The following POU6F2 variants were observed in gnomAD, a reference collection of about 807,000 sequenced individuals.
POU6F2 encodes POU class 6 homeobox 2.
A neutral mutation model predicts 71.3 loss-of-function variants in POU6F2; 31 were observed. The ratio of observed to expected loss-of-function variants is 0.43; its 90% CI spans 0.33 to 0.59. The LOEUF (loss-of-function observed/expected upper bound fraction) is 0.59. Ranked by LOEUF, POU6F2 falls within the 20% of genes least tolerant of loss-of-function variation. The pLI, the probability that POU6F2 is intolerant of heterozygous loss-of-function variation, is 0.04. For missense variants in POU6F2, 783 were observed against 856.8 expected (o/e 0.91, Z 1.07); for synonymous variants, 347 against 355.7 (o/e 0.98, Z 0.27).
At chr7:39,328,797 A>G (rs548811775) in intron 4 of POU6F2, among the ~76,000 whole-genome samples, 20 of 152,308 alleles carry the variant, frequency 1.3e-4, no homozygotes, top group South Asian at 2.1e-4. Context: ...TAATGGCCAC[A>G]TGTGTCTACA....
At chr7:39,196,606 A>G (rs996762906) in intron 2 of POU6F2, among the ~76,000 whole-genome samples, 2 of 152,172 alleles carry the variant, frequency 1.3e-5, no homozygotes, top group South Asian at 2.1e-4. Flanking sequence ...TAAAAATACA[A>G]ACATTAGCCA....
At chr7:39,404,151 G>C (rs1023775709) in intron 5 of POU6F2, among the ~76,000 whole-genome samples, 3 of 152,212 alleles carry the variant, frequency 2.0e-5, no homozygotes, top group Non-Finnish European at 4.4e-5. Flanking sequence ...CTATATATTT[G>C]TGGTTGCCAA....
chr7:39,141,292 G>A (rs1792495096), intron 2 of POU6F2, among the ~76,000 whole-genome samples: 1 of 152,154 alleles, frequency 6.6e-6, no homozygotes, highest in Admixed American at 6.5e-5. Context: ...TCTTAGGAAA[G>A]CATCTTGGTT....
chr7:39,198,234 A>C (rs1452804337), intron 2 of POU6F2, among the ~76,000 whole-genome samples: 1 of 152,226 alleles, frequency 6.6e-6, no homozygotes, highest in African/African-American at 2.4e-5. Flanking sequence ...AAAGTCATTA[A>C]AGTCTTCTAT....
chr7:39,277,304 G>T (rs879376376), intron 4 of POU6F2, among the ~76,000 whole-genome samples: 1 of 151,980 alleles, frequency 6.6e-6, no homozygotes, highest in Non-Finnish European at 1.5e-5. Context: ...TTGCTACATG[G>T]GTATATTGCG....
chr7:39,144,803 A>G (rs1792581371), intron 2 of POU6F2, among the ~76,000 whole-genome samples: 1 of 152,194 alleles, frequency 6.6e-6, no homozygotes, highest in East Asian at 1.9e-4. Flanking sequence ...GTCCAAGGGT[A>G]TATTCTTCTT....
rs113353367 is a variant in POU6F2, at chr7:39,220,149, G to A, written c.598+12529G>A. ...GCAACCCCAGCAGCAGCCGCGACTG[G>A]AGTTTTATTTCCTTTGATTTGGTTC... On this transcript the variant is annotated intron_variant, in intron 4 of 9. Transcript: ENST00000518318. Among the ~76,000 whole-genome samples the A allele has an allele frequency of 1.9e-3, 295 of 152,244 alleles. 4 individuals carry two copies. Among genetic ancestry groups the A allele is most frequent in the Non-Finnish European group, 1.8e-3 (123 of 68,008 alleles).
chr7:39,207,149 A>G (rs560981908), intron 3 of POU6F2, among the ~76,000 whole-genome samples: 9 of 152,346 alleles, frequency 5.9e-5, no homozygotes, highest in East Asian at 1.9e-4. Context: ...GTAAGTTATT[A>G]CTTGTAAAGA....
At chr7:39,428,847 GAGC>G (rs1341060355) in intron 6 of POU6F2, among the ~76,000 whole-genome samples, 1 of 151,536 alleles carries the variant, frequency 6.6e-6, no homozygotes, top group East Asian at 2.0e-4. Flanking sequence ...CCATCATTCT[GAGC>G]AAAGTATCGC....
rs1452674188 is a variant in POU6F2 at position 39,135,486 on chromosome 7, C to T, written c.277+49455C>T. On this transcript the variant is annotated intron_variant, in intron 2 of 9. Transcript: ENST00000518318. ...ACCTTAGAATGACTACTCATCCACA[C>T]TCATTCCAGGGTTATGATAGTTTAA... Among the ~76,000 whole-genome samples the T allele has an allele frequency of 3.9e-5, 6 of 151,948 alleles. No individual in the cohort carries two copies. In the South Asian group the frequency reaches 1.2e-3, roughly 32 times the overall value.
At chr7:39,017,491 C>A (rs1424564781) in intron 1 of POU6F2, among the ~76,000 whole-genome samples, 1 of 152,140 alleles carries the variant, frequency 6.6e-6, no homozygotes, top group Non-Finnish European at 1.5e-5. Context: ...CAGCAGCCGT[C>A]TTATGATAAC....
intron 1 of POU6F2, among the ~76,000 whole-genome samples, chr7:39,014,473 T>C: frequency 6.6e-6 from 1 of 152,208 alleles, no homozygotes; most frequent in East Asian, 1.9e-4. Flanking sequence ...CAATTTTTAA[T>C]GTTAAATCTT....
intron 5 of POU6F2, among the ~76,000 whole-genome samples, chr7:39,384,975 G>A (rs1482254521): frequency 6.7e-6 from 1 of 149,970 alleles, no homozygotes; most frequent in African/African-American, 2.4e-5. Context: ...TTGAAGCCAG[G>A]ATTTAGAAAA....
chr7:39,228,647 A>G (rs1794517237), intron 4 of POU6F2, among the ~76,000 whole-genome samples: 1 of 152,210 alleles, frequency 6.6e-6, no homozygotes, highest in Non-Finnish European at 1.5e-5. Context: ...CGAGGTCAAT[A>G]TTCCTTATTG....
At chr7:39,333,188 T>G (rs1292775245) in intron 4 of POU6F2, among the ~76,000 whole-genome samples, 1 of 152,174 alleles carries the variant, frequency 6.6e-6, no homozygotes, top group Non-Finnish European at 1.5e-5. Flanking sequence ...CTTTACATCC[T>G]TCGCTTTTTA....
intron 4 of POU6F2, among the ~76,000 whole-genome samples, chr7:39,330,593 C>T (rs964855373): frequency 6.6e-6 from 1 of 152,216 alleles, no homozygotes; most frequent in Non-Finnish European, 1.5e-5. Flanking sequence ...AAGTATTCCT[C>T]TCAGTGTGGA....
At chr7:39,023,431 C>T (rs572606113) in intron 1 of POU6F2, among the ~76,000 whole-genome samples, 20 of 151,968 alleles carry the variant, frequency 1.3e-4, no homozygotes, top group Non-Finnish European at 2.4e-4. Context: ...GTGGCAATGT[C>T]GCAACGTCTA....
intron 5 of POU6F2, among the ~76,000 whole-genome samples, chr7:39,355,895 G>A (rs919472344): frequency 6.6e-6 from 1 of 152,098 alleles, no homozygotes; most frequent in Non-Finnish European, 1.5e-5. Flanking sequence ...TGGGAAGGAA[G>A]CACAGAACCC....
intron 1 of POU6F2, among the ~76,000 whole-genome samples, chr7:38,995,389 A>G (rs372822414): frequency 8.5e-5 from 13 of 152,314 alleles, no homozygotes; most frequent in African/African-American, 3.1e-4. Context: ...TAAGTGGTTA[A>G]GAGAGGACTG....
Sources: allele counts gnomAD v4.1 joint callset (sites outside exome capture counted in the v4.1 genomes callset), GRCh38; gene constraint gnomAD v4.1.1; transcripts MANE v1.5; gene names NCBI Gene and HGNC (gene_info 2026-07-23, HGNC 2026-07-21).